DNAJC15: variants seen among roughly 807,000 people sequenced by gnomAD.
The protein encoded by DNAJC15 is dnaJ homolog subfamily C member 15.
Under a neutral mutation model 22.4 loss-of-function variants are expected in DNAJC15, and 27 were observed. That is an observed-to-expected ratio of 1.20 (90% CI 0.89 to 1.66). The LOEUF (loss-of-function observed/expected upper bound fraction) is 1.66, where lower values mean the gene tolerates loss of function less well. Among genes scored for constraint, DNAJC15 ranks in the 40% most tolerant of loss-of-function variants. The pLI is 0.00. For missense variants in DNAJC15, 208 were observed against 187.1 expected (o/e 1.11, Z -0.65); for synonymous variants, 79 against 63.2 (o/e 1.25, Z -1.19).
chr13:43,042,955 A>C (rs374288065), intron 1 of DNAJC15, among the ~76,000 whole-genome samples: 12 of 152,260 alleles, frequency 7.9e-5, no homozygotes, highest in East Asian at 5.8e-4. Context: ...CAAGAACTTA[A>C]AGCCAAATAT....
intron 1 of DNAJC15, among the ~76,000 whole-genome samples, chr13:43,032,253 T>G (rs2040407470): frequency 6.6e-6 from 1 of 152,220 alleles, no homozygotes; most frequent in South Asian, 2.1e-4. Context: ...CCTGTAGGAC[T>G]TAGCTCTTCT....
At position 43,112,363 on chromosome 13, in the gene DNAJC15, C is replaced by T. The variant is rs574929965; in HGVS notation, c.*5115C>T. ...TAGATGTAGAGAAATACTCAATCTT[C>T]AGCATTAAGAGGGAGCTTAATTTCA... On this transcript the variant is annotated 3_prime_UTR_variant, in exon 6 of 6. Transcript: ENST00000379221. 2.0e-5 allele frequency: 3 copies of T among 152,314 alleles called. No homozygotes were observed. The highest frequency in any genetic ancestry group is 4.8e-5 in the African/African-American group (2 of 41,570). The allele number at this position is 152,314 out of a possible 1,614,324, so 9.4% of individuals were successfully genotyped here.
intron 1 of DNAJC15, among the ~76,000 whole-genome samples, chr13:43,041,492 CTCTT>C (rs1470515814): frequency 3.9e-5 from 6 of 152,322 alleles, no homozygotes; most frequent in South Asian, 2.1e-4. Flanking sequence ...AATCTGATCT[CTCTT>C]TCTTTTCCCC....
Position 43,110,869 on chromosome 13 carries a change from A to T in DNAJC15, c.*3621A>T, listed in dbSNP as rs557052158. The T allele has an allele frequency of 6.6e-6, 1 of 152,312 alleles. No individual in the cohort carries two copies. The highest frequency in any genetic ancestry group is 2.4e-5 in the African/African-American group (1 of 41,574). The allele number at this position is 152,312 out of a possible 1,614,324, so 9.4% of individuals were successfully genotyped here. ...CTCCCCCCAACTCCTTATCTGTAAA[A>T]AGCTTATTTGAGTGGTTACCTGTCT... On this transcript the variant is annotated 3_prime_UTR_variant, in exon 6 of 6. Coordinates refer to ENST00000379221, the MANE Select transcript of DNAJC15 (RefSeq NM_013238.3).
At chr13:43,081,399 A>C (rs774909530) in intron 4 of DNAJC15, among the ~76,000 whole-genome samples, 1 of 151,984 alleles carries the variant, frequency 6.6e-6, no homozygotes, top group African/African-American at 2.4e-5. Context: ...GTTTTTAAGA[A>C]CCTATCAACA....
chr13:43,033,151 A>C (rs910321955), intron 1 of DNAJC15, among the ~76,000 whole-genome samples: 14 of 152,190 alleles, frequency 9.2e-5, no homozygotes, highest in African/African-American at 3.4e-4. Flanking sequence ...ACCTCCCACC[A>C]GGCCCCACCT....
At chr13:43,040,608 AAAAG>A (rs1163653447) in intron 1 of DNAJC15, among the ~76,000 whole-genome samples, 2 of 152,154 alleles carry the variant, frequency 1.3e-5, no homozygotes, top group African/African-American at 4.8e-5. Flanking sequence ...AGAGACTTGG[AAAAG>A]AAAGAGACAC....
intron 2 of DNAJC15, among the ~76,000 whole-genome samples, 166 bp from the exon 3 acceptor site, chr13:43,068,764 A>G (rs952136185): frequency 6.6e-6 from 1 of 152,122 alleles, no homozygotes; most frequent in Non-Finnish European, 1.5e-5. Context: ...TTGCCCTCCA[A>G]TAAATTAAAA....
At chr13:43,056,557 T>C (rs1039603985) in intron 1 of DNAJC15, among the ~76,000 whole-genome samples, 1 of 152,190 alleles carries the variant, frequency 6.6e-6, no homozygotes, top group Non-Finnish European at 1.5e-5. Flanking sequence ...TAGGGTATAG[T>C]TTAAGTCCAC....
chr13:43,026,608 GAA>G (rs202134268), intron 1 of DNAJC15, among the ~76,000 whole-genome samples: 2 of 149,844 alleles, frequency 1.3e-5, no homozygotes, highest in African/African-American at 2.5e-5. Context: ...TATTAGGAAA[GAA>G]AAAAAAATGG....
intron 1 of DNAJC15, among the ~76,000 whole-genome samples, chr13:43,031,048 G>C (rs570872392): frequency 1.3e-5 from 2 of 152,326 alleles, no homozygotes; most frequent in East Asian, 1.9e-4. Flanking sequence ...AGCAAATTCA[G>C]ATGCTTAAAG....
intron 3 of DNAJC15, among the ~76,000 whole-genome samples, chr13:43,075,094 T>G (rs2153441209): frequency 6.6e-6 from 1 of 152,346 alleles, no homozygotes; most frequent in African/African-American, 2.4e-5. Flanking sequence ...AGCAATTTTT[T>G]GTTTTCTCTT....
intron 5 of DNAJC15, among the ~76,000 whole-genome samples, chr13:43,094,235 A>G (rs1316085799): frequency 6.6e-6 from 1 of 151,008 alleles, no homozygotes; most frequent in Non-Finnish European, 1.5e-5. Context: ...TCATTGGTCA[A>G]ATACTGCTTC....
At chr13:43,104,688 CTTTTCT>C (rs369315504) in intron 5 of DNAJC15, among the ~76,000 whole-genome samples, 2,943 of 143,522 alleles carry the variant, frequency 0.021, 40 homozygotes, top group Non-Finnish European at 0.032. Flanking sequence ...CTTTTCTTTT[CTTTTCT>C]TTTTTTTTTT....
At chr13:43,105,450 G>A (rs1218741098) in intron 5 of DNAJC15, among the ~76,000 whole-genome samples, 1 of 152,032 alleles carries the variant, frequency 6.6e-6, no homozygotes, top group East Asian at 1.9e-4. Flanking sequence ...GTAGAATGAG[G>A]GTCAAAAGAA....
chr13:43,075,291 C>T (rs1243146627), intron 3 of DNAJC15, among the ~76,000 whole-genome samples: 3 of 152,076 alleles, frequency 2.0e-5, no homozygotes, highest in Non-Finnish European at 1.5e-5. Flanking sequence ...TCTATGTCTA[C>T]CTGGGCAAAA....
chr13:43,067,271 C>A (rs570990055), intron 2 of DNAJC15, among the ~76,000 whole-genome samples: 2 of 152,250 alleles, frequency 1.3e-5, no homozygotes, highest in Admixed American at 1.3e-4. Flanking sequence ...TGATGAAACA[C>A]TTCAACAATC....
intron 5 of DNAJC15, among the ~76,000 whole-genome samples, chr13:43,106,574 CA>C (rs200088020): frequency 2.3e-3 from 350 of 151,790 alleles, no homozygotes; most frequent in South Asian, 6.0e-3. Context: ...TTTCAGAGAA[CA>C]AAAAAAATTT....
At chr13:43,045,032 T>C (rs2040469984) in intron 1 of DNAJC15, among the ~76,000 whole-genome samples, 2 of 143,384 alleles carry the variant, frequency 1.4e-5, no homozygotes, top group African/African-American at 4.8e-5. Context: ...GGAGAAAAGC[T>C]AGTCTTTATG....
Sources: allele counts gnomAD v4.1 joint callset (sites outside exome capture counted in the v4.1 genomes callset), GRCh38; gene constraint gnomAD v4.1.1; transcripts MANE v1.5; gene names NCBI Gene and HGNC (gene_info 2026-07-23, HGNC 2026-07-21).